ATP6V0E1: variants seen among roughly 807,000 people sequenced by gnomAD.
ATP6V0E1 encodes V-type proton ATPase subunit e 1.
A neutral mutation model predicts 11.6 loss-of-function variants in ATP6V0E1; 4 were observed. The observed-to-expected ratio is 0.35, with a 90% CI of 0.17 to 0.79. The LOEUF (loss-of-function observed/expected upper bound fraction) is 0.79, where lower values mean the gene tolerates loss of function less well. ATP6V0E1 is among the 30% of genes least tolerant of loss of function. The probability of loss-of-function intolerance (pLI) is 0.54; values close to 1 mark genes in which losing one functional copy is unlikely to be tolerated. For synonymous variants in ATP6V0E1, 36 were observed against 34.8 expected (o/e 1.04, Z -0.13); for missense variants, 105 against 100.0 (o/e 1.05, Z -0.21).
chr5:173,025,624 A>T (rs1278478729), intron 3 of ATP6V0E1, among the ~76,000 whole-genome samples: 3 of 131,600 alleles, frequency 2.3e-5, no homozygotes, highest in African/African-American at 8.9e-5. Context: ...CCTTCTGATT[A>T]TCTGGGACTG....
chr5:172,996,561 CA>C (rs55994987), intron 2 of ATP6V0E1, among the ~76,000 whole-genome samples: 6,098 of 119,126 alleles, frequency 0.051, 147 homozygotes, highest in Middle Eastern at 0.11. Context: ...GACTCCGCCT[CA>C]AAAAAAAAAA....
In ATP6V0E1 at chr5:173,035,406, C is replaced by T. The variant is rs759015951; in HGVS notation, c.*1044C>T. 3.9e-4 allele frequency: 59 copies of T among 152,162 alleles called. No individual in the cohort carries two copies. The highest frequency in any genetic ancestry group is 1.7e-3 in the Admixed American group (26 of 15,266). The allele number at this position is 152,162 out of a possible 1,614,324, so 9.4% of individuals were successfully genotyped here. ...ATACACTAATTTGAGAGCTTTATTA[C>T]TTTTAAGAAATTAAAAATTAAAATG... On this transcript the variant is annotated 3_prime_UTR_variant, in exon 4 of 4. Coordinates refer to ENST00000519374, the MANE Select transcript of ATP6V0E1 (RefSeq NM_003945.4).
Position 173,016,322 on chromosome 5 carries a change from G to A in ATP6V0E1, c.153-3916G>A, listed in dbSNP as rs369702405. 1.2e-4 allele frequency among the ~76,000 whole-genome samples: 18 copies of A among 152,332 alleles called. 1 individual carries two copies. In the South Asian group the frequency reaches 3.5e-3, roughly 30 times the overall value. On this transcript the variant is annotated intron_variant, in intron 2 of 3. Transcript: ENST00000519374. ...CTGCAGAATTGATTGTGTGCTTGTTGGTGGGGAGAAATCCCCACACATTTG... is the reference window on the plus strand; with the variant it reads ...CTGCAGAATTGATTGTGTGCTTGTTAGTGGGGAGAAATCCCCACACATTTG...
chr5:172,991,065 C>T (rs954229697), intron 1 of ATP6V0E1, among the ~76,000 whole-genome samples: 9 of 152,006 alleles, frequency 5.9e-5, no homozygotes, highest in Admixed American at 6.6e-5. Flanking sequence ...GTGATCCTCC[C>T]GCCTCAGCCT....
At chr5:172,993,470 C>T (rs796949514) in intron 1 of ATP6V0E1, among the ~76,000 whole-genome samples, 9 of 152,214 alleles carry the variant, frequency 5.9e-5, no homozygotes, top group African/African-American at 1.9e-4. Flanking sequence ...TGTGCCACTG[C>T]ACTCCAGCCT....
intron 2 of ATP6V0E1, among the ~76,000 whole-genome samples, chr5:173,008,631 T>C (rs1311717428): frequency 7.1e-6 from 1 of 140,468 alleles, no homozygotes; most frequent in Non-Finnish European, 1.5e-5. Flanking sequence ...TCAACTGGGC[T>C]GGGCGCGGTG....
chr5:173,001,174 T>C (rs1051390648), intron 2 of ATP6V0E1, among the ~76,000 whole-genome samples: 1 of 152,100 alleles, frequency 6.6e-6, no homozygotes, highest in African/African-American at 2.4e-5. Flanking sequence ...CTACTAAAAA[T>C]ACAGAATTAG....
intron 2 of ATP6V0E1, among the ~76,000 whole-genome samples, chr5:173,007,387 T>C (rs1581629822): frequency 6.6e-6 from 1 of 152,290 alleles, no homozygotes; most frequent in Non-Finnish European, 1.5e-5. Flanking sequence ...TGCTGGCTAT[T>C]AGTTGGGACC....
chr5:173,002,735 C>G (rs181392744), intron 2 of ATP6V0E1, among the ~76,000 whole-genome samples: 1 of 152,316 alleles, frequency 6.6e-6, no homozygotes, highest in East Asian at 1.9e-4. Context: ...TGCCTGTAAT[C>G]TCAGCACTTT....
intron 2 of ATP6V0E1, among the ~76,000 whole-genome samples, chr5:173,018,549 T>C (rs994808208): frequency 2.6e-5 from 4 of 152,178 alleles, no homozygotes; most frequent in Admixed American, 6.5e-5. Flanking sequence ...AAAGGCAGTG[T>C]GTATTCTGCT....
chr5:172,983,875 C>CCTCA lies in ATP6V0E1; in HGVS notation c.18_21dup (p.Val8HisfsTer24), dbSNP rs1379975606. The CCTCA allele has an allele frequency of 6.2e-7, 1 of 1,613,626 alleles. No homozygotes were observed. The highest frequency in any genetic ancestry group is 1.3e-5 in the African/African-American group (1 of 74,928). On this transcript the variant is annotated frameshift_variant, in exon 1 of 4. Coordinates refer to ENST00000519374, the MANE Select transcript of ATP6V0E1 (RefSeq NM_003945.4). LOFTEE classifies it high-confidence loss of function. ...AGGCGGCGACCATGGCGTATCACGGCCTCACTGTGCCTCTCATTGTGATGA... is the reference window on the plus strand; with the variant it reads ...AGGCGGCGACCATGGCGTATCACGGCCTCACTCACTGTGCCTCTCATTGTGATGA...
At chr5:172,994,356 T>C (rs1756030202) in intron 1 of ATP6V0E1, among the ~76,000 whole-genome samples, 1 of 152,132 alleles carries the variant, frequency 6.6e-6, no homozygotes. Context: ...GAGATCAAAG[T>C]GTAACTTTTT....
At chr5:172,993,688 C>A (rs182116426) in intron 1 of ATP6V0E1, among the ~76,000 whole-genome samples, 6 of 130,826 alleles carry the variant, frequency 4.6e-5, no homozygotes, top group Admixed American at 3.1e-4. Flanking sequence ...GACCCCCCCC[C>A]CCGACCCCAC....
intron 2 of ATP6V0E1, among the ~76,000 whole-genome samples, chr5:172,995,307 G>C (rs879550173): frequency 6.6e-6 from 1 of 152,116 alleles, no homozygotes; most frequent in Non-Finnish European, 1.5e-5. Flanking sequence ...TTGCCATGTT[G>C]GCCAGGCTGG....
At chr5:172,989,653 A>G (rs1045967718) in intron 1 of ATP6V0E1, among the ~76,000 whole-genome samples, 1 of 151,452 alleles carries the variant, frequency 6.6e-6, no homozygotes, top group Non-Finnish European at 1.5e-5. Flanking sequence ...CAGCCTTCCG[A>G]GTAGCTGGGA....
chr5:173,019,126 A>T (rs570770118), intron 2 of ATP6V0E1, among the ~76,000 whole-genome samples: 42 of 152,182 alleles, frequency 2.8e-4, no homozygotes, highest in African/African-American at 9.9e-4. Flanking sequence ...GTGAATTTTT[A>T]AAATTTTTTT....
At chr5:172,984,846 A>G (rs1318342030) in intron 1 of ATP6V0E1, among the ~76,000 whole-genome samples, 5 of 152,024 alleles carry the variant, frequency 3.3e-5, no homozygotes, top group Non-Finnish European at 5.9e-5. Flanking sequence ...TTATTCTTGA[A>G]CCTAATTGGT....
intron 1 of ATP6V0E1, among the ~76,000 whole-genome samples, chr5:172,988,736 T>C (rs1228226934): frequency 6.6e-6 from 1 of 152,174 alleles, no homozygotes; most frequent in Non-Finnish European, 1.5e-5. Context: ...TTGCCCAGTC[T>C]GGAGTGTGGT....
At position 172,984,055 on chromosome 5, in the gene ATP6V0E1, G is replaced by A; in HGVS notation, c.104+91G>A. The A allele has an allele frequency of 1.1e-5, 14 of 1,286,164 alleles. 1 individual carries two copies. The highest frequency in any genetic ancestry group is 1.6e-5 in the Non-Finnish European group (14 of 886,822). 79.7% of individuals were successfully genotyped at this position (1,286,164 alleles called of 1,614,324 possible). On this transcript the variant is annotated intron_variant, in intron 1 of 3. Coordinates refer to ENST00000519374, the MANE Select transcript of ATP6V0E1 (RefSeq NM_003945.4). ...AGGCACGACCCCCACACGGGTCAGA[G>A]AACGTTGCATGGGCGCCCCCCGCGC...
Sources: allele counts gnomAD v4.1 joint callset (sites outside exome capture counted in the v4.1 genomes callset), GRCh38; gene constraint gnomAD v4.1.1; transcripts MANE v1.5; gene names NCBI Gene and HGNC (gene_info 2026-07-23, HGNC 2026-07-21).